Variants in SLC7A7 observed in about 807,000 individuals in gnomAD.
The protein encoded by SLC7A7 is Y+L amino acid transporter 1.
SLC7A7 carries 39 observed loss-of-function variants against 47.9 expected under a neutral mutation model. The ratio of observed to expected loss-of-function variants is 0.81; its 90% CI spans 0.63 to 1.06. The LOEUF (loss-of-function observed/expected upper bound fraction) is 1.06, where lower values mean the gene tolerates loss of function less well. SLC7A7 is among the 50% of genes least tolerant of loss of function. SLC7A7 has a pLI of 0.00. For synonymous variants in SLC7A7, 234 were observed against 242.8 expected (o/e 0.96, Z 0.34); for missense variants, 588 against 632.0 (o/e 0.93, Z 0.75).
chr14:22,814,042 G>A (rs902372047), intron 1 of SLC7A7, among the ~76,000 whole-genome samples: 10 of 150,686 alleles, frequency 6.6e-5, no homozygotes, highest in Admixed American at 2.0e-4. Context: ...CGCCCGCCTC[G>A]GCCTCCCAAA....
intron 2 of SLC7A7, among the ~76,000 whole-genome samples, chr14:22,796,153 C>T (rs1308606009): frequency 6.6e-6 from 1 of 152,108 alleles, no homozygotes; most frequent in East Asian, 1.9e-4. Context: ...CTGAAAAAGG[C>T]AACTAGCTTC....
chr14:22,782,975 C>T (rs907051381), intron 2 of SLC7A7, among the ~76,000 whole-genome samples: 2 of 151,726 alleles, frequency 1.3e-5, no homozygotes, highest in Admixed American at 1.3e-4. Context: ...TTGCTGTCAC[C>T]CAGCCTGGAG....
chr14:22,788,507 A>T (rs2038861141), intron 2 of SLC7A7, among the ~76,000 whole-genome samples: 1 of 151,640 alleles, frequency 6.6e-6, no homozygotes, highest in Admixed American at 6.6e-5. Flanking sequence ...GTTTGAGATC[A>T]GCCTGGCCAA....
rs748330318 is a variant in SLC7A7 at position 22,779,970 on chromosome 14, G to A, written c.581C>T (p.Ala194Val). ...QDIFTYAKVL[A>V]LIAVIVAGIV... ...GCCTGCAACGATGACCGCGATCAGT[G>A]CCAATACTTTAGCATAGGTGAAAAT... is the stretch of plus-strand genomic sequence containing the variant. The change falls in exon 3 of 10, where the codon GCA (alanine) becomes GTA (valine). Residue 194 changes from alanine (A) to valine (V), a missense_variant. By Grantham distance (64) the Ala-to-Val change is moderately conservative (BLOSUM62 0). Transcript: ENST00000674313. 6.2e-7 allele frequency: 1 copy of A among 1,614,076 alleles called. No homozygotes were observed. Among genetic ancestry groups the A allele is most frequent in the Non-Finnish European group, 8.5e-7 (1 of 1,180,010 alleles).
chr14:22,776,277 G>T lies in SLC7A7; in HGVS notation c.812C>A (p.Thr271Asn). The change falls in exon 5 of 10, where the codon ACC becomes AAC. Residue 271 changes from threonine to asparagine, a missense_variant. By Grantham distance (65) the Thr-to-Asn change is moderately conservative. Coordinates refer to ENST00000674313, the MANE Select transcript of SLC7A7 (RefSeq NM_003982.4). ...CACATTGGTCAAGATATAGATGATGGTGACAATGGGCATGGAGATGCCAAT... is the reference window on the plus strand; with the variant it reads ...CACATTGGTCAAGATATAGATGATGTTGACAATGGGCATGGAGATGCCAAT... The part of the protein sequence containing the change: ...LSIGISMPIV[T>N]IIYILTNVAY... 6.2e-7 allele frequency: 1 copy of T among 1,614,202 alleles called. No homozygotes were observed. Among genetic ancestry groups the T allele is most frequent in the Non-Finnish European group, 8.5e-7 (1 of 1,180,038 alleles).
At chr14:22,784,434 A>G (rs1229876437) in intron 2 of SLC7A7, among the ~76,000 whole-genome samples, 1 of 152,184 alleles carries the variant, frequency 6.6e-6, no homozygotes, top group East Asian at 1.9e-4. Flanking sequence ...CCTGGCCAAC[A>G]TGGTGAAACC....
intron 5 of SLC7A7, 22 bp from the exon 6 acceptor site, chr14:22,775,958 G>A (rs370649440): frequency 5.7e-6 from 9 of 1,577,954 alleles, no homozygotes; most frequent in Non-Finnish European, 7.8e-6. Context: ...GAATGGAAGA[G>A]TCATTAGCAG....
chr14:22,817,757 G>A (rs972099103), upstream of SLC7A7, among the ~76,000 whole-genome samples: 13 of 152,310 alleles, frequency 8.5e-5, no homozygotes, highest in African/African-American at 2.9e-4. Flanking sequence ...GATTACAGGC[G>A]TGAGCCACCG....
chr14:22,775,092 G>GACC (rs1555320596), intron 7 of SLC7A7, among the ~76,000 whole-genome samples: 5 of 151,516 alleles, frequency 3.3e-5, no homozygotes, highest in Non-Finnish European at 5.9e-5. Context: ...TGGATTTTAA[G>GACC]ACACACACAC....
intron 2 of SLC7A7, among the ~76,000 whole-genome samples, chr14:22,802,404 A>AAACAAC (rs748204303): frequency 2.1e-5 from 3 of 145,678 alleles, no homozygotes; most frequent in African/African-American, 7.5e-5. Context: ...CTCTGTCTCA[A>AAACAAC]AACAACAACA....
chr14:22,813,071 C>A lies in SLC7A7; in HGVS notation c.328G>T (p.Ala110Ser), dbSNP rs577167267. 8 of 1,614,160 alleles carry A rather than the reference C, an allele frequency of 5.0e-6. No homozygotes were observed. The South Asian group carries it at 7.7e-5, about 16-fold the overall frequency. The change falls in exon 2 of 10, where the codon GCC (alanine) becomes TCC (serine). Residue 110 changes from alanine to serine, a missense_variant. Ala to Ser is a moderately conservative substitution (Grantham distance 99). Transcript: ENST00000674313. ...SGASYAYILE[A>S]FGGFLAFIRL... ...ATGAAAGCAAGGAATCCTCCAAAGGCCTCCAGGATATAGGCATAGCTGGCC... is the reference window on the plus strand; with the variant it reads ...ATGAAAGCAAGGAATCCTCCAAAGGACTCCAGGATATAGGCATAGCTGGCC...
At chr14:22,793,684 C>T (rs768005571) in intron 2 of SLC7A7, among the ~76,000 whole-genome samples, 3 of 151,950 alleles carry the variant, frequency 2.0e-5, no homozygotes, top group Non-Finnish European at 4.4e-5. Context: ...GGTGTGGTGG[C>T]GTGCACCTGT....
chr14:22,779,013 G>T, intron 3 of SLC7A7, 76 bp from the exon 4 acceptor site: 1 of 1,576,160 alleles, frequency 6.3e-7, no homozygotes, highest in Non-Finnish European at 8.7e-7. Flanking sequence ...GTAAAGGACT[G>T]ACAGAATATG....
At chr14:22,809,524 A>T (rs1254874646) in intron 2 of SLC7A7, among the ~76,000 whole-genome samples, 1 of 151,944 alleles carries the variant, frequency 6.6e-6, no homozygotes, top group Non-Finnish European at 1.5e-5. Flanking sequence ...TGCGTTTTTC[A>T]TAGAGACGGG....
intron 2 of SLC7A7, among the ~76,000 whole-genome samples, chr14:22,808,475 T>G (rs1235396308): frequency 2.0e-5 from 3 of 152,206 alleles, no homozygotes; most frequent in African/African-American, 7.2e-5. Flanking sequence ...AATGTCTTCA[T>G]AGGTCCCAGC....
chr14:22,809,086 C>T (rs1421259159), intron 2 of SLC7A7, among the ~76,000 whole-genome samples: 1 of 152,212 alleles, frequency 6.6e-6, no homozygotes, highest in Admixed American at 6.5e-5. Context: ...ATGTGTGTCA[C>T]ACATGTGTGT....
At position 22,815,306 on chromosome 14, in the gene SLC7A7, G is replaced by A; in HGVS notation, c.-43+14C>T. 1 of 451,270 alleles carries A rather than the reference G, an allele frequency of 2.2e-6. No individual in the cohort carries two copies. Among genetic ancestry groups the A allele is most frequent in the South Asian group, 1.6e-5 (1 of 64,272 alleles). 28.0% of individuals were successfully genotyped at this position (451,270 alleles called of 1,614,324 possible). A position where few individuals can be genotyped will look rare whatever the true frequency, so the allele number is the denominator to read the frequency against. ...GGTAAGTGGAGATGAGAAGAGGGTG[G>A]AACGCACACTCACTCCTTGGTCCTG... On this transcript the variant is annotated intron_variant, in intron 1 of 9. Transcript: ENST00000674313.
chr14:22,783,464 G>C lies in SLC7A7; in HGVS notation c.500-3413C>G. Among the ~76,000 whole-genome samples, 3 of 150,378 alleles carry C rather than the reference G, an allele frequency of 2.0e-5. 1 individual carries two copies. Among genetic ancestry groups the C allele is most frequent in the Admixed American group, 2.0e-4 (3 of 15,068 alleles). On this transcript the variant is annotated intron_variant, in intron 2 of 9. Coordinates refer to ENST00000674313, the MANE Select transcript of SLC7A7 (RefSeq NM_003982.4). ...CCCCCAGGCTGGAGTACAGTGGTGC[G>C]ATCTCAGCTCACTGCAACCTCCGCC...
In SLC7A7 at chr14:22,774,520, AAGTC is replaced by A. The variant is rs2038557357; in HGVS notation, c.1096-21_1096-18del. The A allele has an allele frequency of 8.7e-6, 14 of 1,614,106 alleles. No individual in the cohort carries two copies. The highest frequency in any genetic ancestry group is 1.3e-5 in the African/African-American group (1 of 75,018). On this transcript the variant is annotated intron_variant, in intron 7 of 9. Coordinates refer to ENST00000674313, the MANE Select transcript of SLC7A7 (RefSeq NM_003982.4). Reference sequence around the variant, plus strand: ...CATGATACCCTGTAAGCGTGAGCCTAAGTCAGCTCTTCTCAGGGCCTTTGTTAAT... The same window carrying A: ...CATGATACCCTGTAAGCGTGAGCCTAAGCTCTTCTCAGGGCCTTTGTTAAT...
Sources: allele counts gnomAD v4.1 joint callset (sites outside exome capture counted in the v4.1 genomes callset), GRCh38; gene constraint gnomAD v4.1.1; transcripts MANE v1.5; gene names NCBI Gene and HGNC (gene_info 2026-07-23, HGNC 2026-07-21).